Variants in ARB2A observed in about 807,000 individuals in gnomAD.
ARB2A encodes the protein cotranscriptional regulator ARB2A.
At chr5:93,710,417 G>C in the ARB2A span, among the ~76,000 whole-genome samples, 1 of 152,160 alleles carries the variant, frequency 6.6e-6, no homozygotes, top group Admixed American at 6.5e-5. Flanking sequence ...TTCTGCTAAA[G>C]TCCTGATTAT....
chr5:93,912,735 T>C, the ARB2A span, among the ~76,000 whole-genome samples: 1 of 151,886 alleles, frequency 6.6e-6, no homozygotes, highest in Non-Finnish European at 1.5e-5. Context: ...TAGTATACTT[T>C]CAAGTGCCTC....
the ARB2A span, chr5:93,741,679 C>T: frequency 7.9e-7 from 1 of 1,263,548 alleles, no homozygotes; most frequent in Non-Finnish European, 1.1e-6. Context: ...CGTTACAAGC[C>T]AAGGGTGCCT....
At chr5:94,097,503 A>G in the ARB2A span, among the ~76,000 whole-genome samples, 1 of 152,138 alleles carries the variant, frequency 6.6e-6, no homozygotes, top group Non-Finnish European at 1.5e-5. Context: ...TGTTGTTCTC[A>G]TGATAGTGAA....
At chr5:93,699,949 CA>C in the ARB2A span, among the ~76,000 whole-genome samples, 161 of 152,070 alleles carry the variant, frequency 1.1e-3, 1 homozygote, top group African/African-American at 3.8e-3. Flanking sequence ...ACTAGTTAGA[CA>C]CCTGGAGATT....
At chr5:93,944,792 A>G in the ARB2A span, among the ~76,000 whole-genome samples, 1 of 152,168 alleles carries the variant, frequency 6.6e-6, no homozygotes, top group Non-Finnish European at 1.5e-5. Context: ...GAGGATACAG[A>G]TGTCACCTCT....
chr5:94,064,089 A>G, the ARB2A span, among the ~76,000 whole-genome samples: 1 of 152,018 alleles, frequency 6.6e-6, no homozygotes, highest in Admixed American at 6.6e-5. Context: ...AAAAAGCAGT[A>G]AAAAGAAATC....
the ARB2A span, among the ~76,000 whole-genome samples, chr5:93,631,769 G>A: frequency 1.4e-5 from 2 of 139,960 alleles, no homozygotes; most frequent in African/African-American, 5.2e-5. Flanking sequence ...GCCAGTTTGA[G>A]AGACAAGACA....
the ARB2A span, chr5:93,739,739 C>T: frequency 6.6e-6 from 1 of 152,032 alleles, no homozygotes; most frequent in African/African-American, 2.4e-5. Context: ...TTACAAATAT[C>T]CTCTCAAAAC....
chr5:93,956,008 G>T, the ARB2A span, among the ~76,000 whole-genome samples: 1 of 152,300 alleles, frequency 6.6e-6, no homozygotes, highest in East Asian at 1.9e-4. Flanking sequence ...TGAATAATTG[G>T]TACTTGGCTA....
chr5:94,095,127 G>A, the ARB2A span, among the ~76,000 whole-genome samples: 1 of 152,178 alleles, frequency 6.6e-6, no homozygotes, highest in Non-Finnish European at 1.5e-5. Flanking sequence ...CTGCCCACAT[G>A]GTTGAGGTCA....
chr5:93,649,887 A>T, the ARB2A span, among the ~76,000 whole-genome samples: 1 of 152,214 alleles, frequency 6.6e-6, no homozygotes. Flanking sequence ...TGTAAAACCA[A>T]GCCTGAACAT....
the ARB2A span, among the ~76,000 whole-genome samples, chr5:93,713,536 C>A: frequency 1.3e-5 from 2 of 152,020 alleles, no homozygotes; most frequent in African/African-American, 4.8e-5. Flanking sequence ...TGGCTCATAT[C>A]CAAAAGACAG....
chr5:93,707,253 AC>A, the ARB2A span, among the ~76,000 whole-genome samples: 1 of 152,206 alleles, frequency 6.6e-6, no homozygotes, highest in African/African-American at 2.4e-5. Context: ...TAAAGGATTT[AC>A]TTTTTTGTAT....
the ARB2A span, among the ~76,000 whole-genome samples, chr5:93,637,357 T>G: frequency 1.9e-5 from 2 of 102,616 alleles, no homozygotes; most frequent in South Asian, 5.1e-4. Context: ...TTGTTTAGTT[T>G]TTTTTTTTTT....
chr5:93,788,960 C>T, the ARB2A span, among the ~76,000 whole-genome samples: 63 of 152,260 alleles, frequency 4.1e-4, no homozygotes, highest in Admixed American at 2.6e-4. Flanking sequence ...GTATTTGTAG[C>T]CTGGCAGCCA....
At chr5:93,619,633 G>A in the ARB2A span, 1 of 152,102 alleles carries the variant, frequency 6.6e-6, no homozygotes, top group Non-Finnish European at 1.5e-5. Flanking sequence ...TCATCTATTA[G>A]AAACAATCTT....
chr5:93,948,471 C>G, the ARB2A span, among the ~76,000 whole-genome samples: 1 of 152,092 alleles, frequency 6.6e-6, no homozygotes, highest in East Asian at 1.9e-4. Flanking sequence ...CCTGTTCACT[C>G]TGATGGTAGT....
At chr5:93,992,126 G>GA in the ARB2A span, among the ~76,000 whole-genome samples, 25 of 151,908 alleles carry the variant, frequency 1.6e-4, no homozygotes, top group Admixed American at 1.1e-3. Context: ...AGTCATCCAA[G>GA]AAAAAATAAT....
the ARB2A span, among the ~76,000 whole-genome samples, chr5:93,892,685 T>C: frequency 6.6e-6 from 1 of 152,166 alleles, no homozygotes; most frequent in Admixed American, 6.6e-5. Context: ...CTATTTGAAA[T>C]AGATTGTTAC....
Sources: gnomAD v4.1 joint callset for allele counts (sites outside exome capture counted in the v4.1 genomes callset) on GRCh38, gnomAD v4.1.1 for gene constraint, MANE v1.5 for transcripts, NCBI Gene and HGNC (gene_info 2026-07-23, HGNC 2026-07-21) for gene names.